ELK3: variants seen among roughly 807,000 people sequenced by gnomAD.
The protein encoded by ELK3 is ETS domain-containing protein Elk-3.
Under a neutral mutation model 28.9 loss-of-function variants are expected in ELK3, and 10 were observed. The observed-to-expected ratio is 0.35, with a 90% CI of 0.21 to 0.59. The LOEUF (loss-of-function observed/expected upper bound fraction) is 0.59. Among genes scored for constraint, ELK3 ranks in the 20% least tolerant of loss-of-function variants. The pLI, the probability that ELK3 is intolerant of heterozygous loss-of-function variation, is 0.82. For synonymous variants in ELK3, 272 were observed against 243.5 expected (o/e 1.12, Z -1.09); for missense variants, 463 against 517.3 (o/e 0.90, Z 1.02).
intron 1 of ELK3, among the ~76,000 whole-genome samples, chr12:96,214,796 T>C (rs1275421198): frequency 6.6e-6 from 1 of 152,228 alleles, no homozygotes; most frequent in African/African-American, 2.4e-5. Flanking sequence ...GCTGAGTTAT[T>C]GCAGATCCCT....
At chr12:96,265,645 C>T (rs4762145) in intron 4 of ELK3, among the ~76,000 whole-genome samples, 121,169 of 152,144 alleles carry the variant, frequency 0.8, 48,419 homozygotes, top group African/African-American at 0.83. Context: ...CATCACTATG[C>T]TCCAGCCTGG....
chr12:96,218,054 C>T (rs1951632754), intron 1 of ELK3, among the ~76,000 whole-genome samples: 2 of 151,968 alleles, frequency 1.3e-5, no homozygotes, highest in South Asian at 2.1e-4. Flanking sequence ...TCTAAATCAT[C>T]TAACTTCACT....
intron 3 of ELK3, among the ~76,000 whole-genome samples, chr12:96,252,822 A>G (rs924145096): frequency 1.3e-5 from 2 of 152,266 alleles, no homozygotes; most frequent in African/African-American, 4.8e-5. Flanking sequence ...GACTGAGAAT[A>G]TTACATAACT....
At chr12:96,239,909 T>A (rs1951808510) in intron 2 of ELK3, among the ~76,000 whole-genome samples, 1 of 152,262 alleles carries the variant, frequency 6.6e-6, no homozygotes, top group South Asian at 2.1e-4. Flanking sequence ...GCCTGACATG[T>A]GGCGTCTCGC....
At chr12:96,204,823 C>T (rs1000414769) in intron 1 of ELK3, among the ~76,000 whole-genome samples, 1 of 152,204 alleles carries the variant, frequency 6.6e-6, no homozygotes, top group Non-Finnish European at 1.5e-5. Context: ...AACAATATTT[C>T]TCTGGTTAAC....
chr12:96,207,624 G>T (rs1271061209), intron 1 of ELK3, among the ~76,000 whole-genome samples: 5 of 152,200 alleles, frequency 3.3e-5, no homozygotes, highest in Non-Finnish European at 7.3e-5. Flanking sequence ...AACCACCTCT[G>T]TAAGGCAGCT....
intron 4 of ELK3, among the ~76,000 whole-genome samples, chr12:96,265,027 T>C (rs911008049): frequency 6.6e-6 from 1 of 152,134 alleles, no homozygotes; most frequent in Non-Finnish European, 1.5e-5. Flanking sequence ...TCTCACTGAC[T>C]TGGAGTAAGC....
intron 2 of ELK3, among the ~76,000 whole-genome samples, chr12:96,231,634 AG>A (rs1951742448): frequency 6.6e-6 from 1 of 152,180 alleles, no homozygotes; most frequent in Non-Finnish European, 1.5e-5. Context: ...CTGGGATTAC[AG>A]GTGCGTCCCA....
intron 4 of ELK3, among the ~76,000 whole-genome samples, chr12:96,261,530 ATTGT>A (rs1652554489): frequency 6.6e-6 from 1 of 152,198 alleles, no homozygotes; most frequent in Non-Finnish European, 1.5e-5. Flanking sequence ...ATAGAAAGAA[ATTGT>A]TTGGTTACAG....
In ELK3 at chr12:96,254,372, A is replaced by T. The variant is rs906286239; in HGVS notation, c.1003-5359A>T. On this transcript the variant is annotated intron_variant, in intron 3 of 4. Transcript: ENST00000228741. ...AGCTGCTAGAGGTATAAGTGAAAAAAATCTCATTAGAATCAACAAATAATT... is the reference window on the plus strand; with the variant it reads ...AGCTGCTAGAGGTATAAGTGAAAAATATCTCATTAGAATCAACAAATAATT... 9.9e-5 allele frequency among the ~76,000 whole-genome samples: 15 copies of T among 152,212 alleles called. 1 individual carries two copies. Among genetic ancestry groups the T allele is most frequent in the African/African-American group, 3.6e-4 (15 of 41,446 alleles).
intron 1 of ELK3, among the ~76,000 whole-genome samples, chr12:96,211,756 C>G (rs1951581327): frequency 6.6e-6 from 1 of 152,096 alleles, no homozygotes; most frequent in Non-Finnish European, 1.5e-5. Context: ...ATCAGGCAGC[C>G]TTGGACCACT....
chr12:96,223,854 A>G, intron 2 of ELK3, 81 bp downstream of exon 2: 1 of 1,382,574 alleles, frequency 7.2e-7, no homozygotes, highest in Non-Finnish European at 1.0e-6. Flanking sequence ...AGAAAATAAT[A>G]GCGTGCTATG....
chr12:96,217,741 T>C (rs1036113413), intron 1 of ELK3, among the ~76,000 whole-genome samples: 1 of 151,880 alleles, frequency 6.6e-6, no homozygotes, highest in African/African-American at 2.4e-5. Context: ...ATCGAGACCA[T>C]CTTGGCCAAC....
chr12:96,215,339 T>A (rs1362611309), intron 1 of ELK3, among the ~76,000 whole-genome samples: 3 of 152,188 alleles, frequency 2.0e-5, no homozygotes, highest in African/African-American at 7.2e-5. Flanking sequence ...TGTGCGGCCC[T>A]TGCTCACATT....
chr12:96,217,630 T>C (rs2137010111), intron 1 of ELK3, among the ~76,000 whole-genome samples: 1 of 152,286 alleles, frequency 6.6e-6, no homozygotes, highest in East Asian at 1.9e-4. Flanking sequence ...TTTTGAAAAT[T>C]ATTTTTTAAC....
chr12:96,242,214 C>T (rs1160156219), intron 2 of ELK3, among the ~76,000 whole-genome samples: 2 of 152,176 alleles, frequency 1.3e-5, no homozygotes, highest in Non-Finnish European at 2.9e-5. Context: ...TCCCGGGCTG[C>T]CTAAGTTGGC....
intron 1 of ELK3, among the ~76,000 whole-genome samples, chr12:96,198,463 A>T (rs1331301889): frequency 6.6e-6 from 1 of 152,204 alleles, no homozygotes; most frequent in Non-Finnish European, 1.5e-5. Context: ...AAGGTTCTGT[A>T]CATAAATACG....
chr12:96,265,713 T>A (rs1302820934), intron 4 of ELK3, among the ~76,000 whole-genome samples: 1 of 152,152 alleles, frequency 6.6e-6, no homozygotes, highest in Non-Finnish European at 1.5e-5. Flanking sequence ...AAATTTAAAA[T>A]CTGTTCATCT....
At chr12:96,228,804 C>T (rs1280637173) in intron 2 of ELK3, among the ~76,000 whole-genome samples, 2 of 152,172 alleles carry the variant, frequency 1.3e-5, no homozygotes, top group African/African-American at 2.4e-5. Context: ...GTTAAGAGTC[C>T]AGCTGTCCCT....
Sources: allele counts gnomAD v4.1 joint callset (sites outside exome capture counted in the v4.1 genomes callset), GRCh38; gene constraint gnomAD v4.1.1; transcripts MANE v1.5; gene names NCBI Gene and HGNC (gene_info 2026-07-23, HGNC 2026-07-21).